The following TAFA1 variants were observed in gnomAD, a reference collection of about 807,000 sequenced individuals.
TAFA1 encodes TAFA chemokine like family member 1.
In TAFA1, 4 loss-of-function variants were observed where a neutral mutation model predicts 18.5. The ratio of observed to expected loss-of-function variants is 0.22; its 90% CI spans 0.11 to 0.49. The LOEUF (loss-of-function observed/expected upper bound fraction) is 0.49, where lower values mean the gene tolerates loss of function less well. TAFA1 is among the 20% of genes least tolerant of loss of function. The probability of loss-of-function intolerance (pLI) is 0.98; values close to 1 mark genes in which losing one functional copy is unlikely to be tolerated. For missense variants in TAFA1, 147 were observed against 169.0 expected, an observed-to-expected ratio of 0.87 and a Z score of 0.72; for synonymous variants, 56 against 55.2, an observed-to-expected ratio of 1.01 and a Z score of -0.06.
chr3:68,303,769 T>A (rs1350735368), intron 2 of TAFA1, among the ~76,000 whole-genome samples: 1 of 152,090 alleles, frequency 6.6e-6, no homozygotes, highest in African/African-American at 2.4e-5. Flanking sequence ...TTAGAAGGAT[T>A]AAAAATATGT....
At chr3:68,096,371 T>C (rs2065086786) in intron 2 of TAFA1, among the ~76,000 whole-genome samples, 1 of 152,126 alleles carries the variant, frequency 6.6e-6, no homozygotes, top group African/African-American at 2.4e-5. Context: ...GCCATCCACA[T>C]ATTAATTAAT....
At chr3:68,184,177 C>T (rs914330052) in intron 2 of TAFA1, among the ~76,000 whole-genome samples, 5 of 151,978 alleles carry the variant, frequency 3.3e-5, no homozygotes, top group African/African-American at 4.8e-5. Flanking sequence ...AAATTTTCTG[C>T]GAATTTCCGT....
chr3:68,475,557 C>T (rs1016083118), intron 3 of TAFA1, among the ~76,000 whole-genome samples: 2 of 152,146 alleles, frequency 1.3e-5, no homozygotes, highest in African/African-American at 4.8e-5. Context: ...TCCAGTCTAT[C>T]ATTGTTGGAC....
intron 2 of TAFA1, among the ~76,000 whole-genome samples, chr3:68,261,394 A>G (rs896985862): frequency 2.0e-5 from 3 of 152,178 alleles, no homozygotes; most frequent in Non-Finnish European, 4.4e-5. Flanking sequence ...ATACCATTTG[A>G]CCCAGCCATC....
chr3:68,340,468 TC>T (rs1187173466), intron 2 of TAFA1, among the ~76,000 whole-genome samples: 6 of 152,236 alleles, frequency 3.9e-5, no homozygotes, highest in Non-Finnish European at 7.3e-5. Flanking sequence ...AAATAGTCTC[TC>T]CTTTGCGAAG....
At chr3:68,497,704 A>G (rs1350450079) in intron 3 of TAFA1, among the ~76,000 whole-genome samples, 1 of 152,210 alleles carries the variant, frequency 6.6e-6, no homozygotes, top group Non-Finnish European at 1.5e-5. Flanking sequence ...TTCCACAATC[A>G]GAGGAGGATC....
At chr3:68,439,451 A>G (rs907013346) in intron 3 of TAFA1, among the ~76,000 whole-genome samples, 4 of 139,726 alleles carry the variant, frequency 2.9e-5, no homozygotes, top group African/African-American at 1.1e-4. Context: ...ATATGAGTTT[A>G]TCAAGGAGTA....
At chr3:68,241,659 T>C (rs1223970039) in intron 2 of TAFA1, among the ~76,000 whole-genome samples, 2 of 152,160 alleles carry the variant, frequency 1.3e-5, no homozygotes, top group African/African-American at 2.4e-5. Flanking sequence ...GTTTTCCTTA[T>C]GACTTTCTTA....
intron 2 of TAFA1, among the ~76,000 whole-genome samples, chr3:68,378,537 G>T (rs1009761433): frequency 8.5e-5 from 13 of 152,080 alleles, no homozygotes; most frequent in Non-Finnish European, 1.6e-4. Context: ...ATGAGACTTT[G>T]GACTGTGGAT....
chr3:68,180,000 A>G (rs1337170746), intron 2 of TAFA1, among the ~76,000 whole-genome samples: 2 of 130,360 alleles, frequency 1.5e-5, no homozygotes, highest in Non-Finnish European at 3.3e-5. Flanking sequence ...TTTCCTGCCT[A>G]TAACACATAA....
intron 2 of TAFA1, among the ~76,000 whole-genome samples, chr3:68,298,571 C>T (rs1199498473): frequency 6.6e-6 from 1 of 152,180 alleles, no homozygotes; most frequent in African/African-American, 2.4e-5. Context: ...TCCTCACAAT[C>T]CCCATGTGTC....
At chr3:68,254,151 ATCTATCTG>A (rs1159624628) in intron 2 of TAFA1, among the ~76,000 whole-genome samples, 6,206 of 127,614 alleles carry the variant, frequency 0.049, 326 homozygotes, top group Admixed American at 0.19. Context: ...CTATCTATCT[ATCTATCTG>A]TCTATCTATC....
At chr3:68,302,856 A>G (rs977630135) in intron 2 of TAFA1, among the ~76,000 whole-genome samples, 1 of 152,184 alleles carries the variant, frequency 6.6e-6, no homozygotes, top group African/African-American at 2.4e-5. Flanking sequence ...TAATTATAAA[A>G]TAAAGTTCAA....
chr3:68,525,772 A>G (rs2073103622), intron 3 of TAFA1, among the ~76,000 whole-genome samples: 1 of 152,210 alleles, frequency 6.6e-6, no homozygotes, highest in African/African-American at 2.4e-5. Flanking sequence ...AGTTAATTAC[A>G]GCAAACCTGA....
At chr3:68,174,935 C>T (rs2066104997) in intron 2 of TAFA1, among the ~76,000 whole-genome samples, 1 of 152,184 alleles carries the variant, frequency 6.6e-6, no homozygotes, top group Admixed American at 6.5e-5. Flanking sequence ...CCAGGGTTCT[C>T]CATGCTGTGT....
intron 2 of TAFA1, among the ~76,000 whole-genome samples, chr3:68,151,520 A>T (rs773137695): frequency 2.6e-5 from 4 of 152,164 alleles, no homozygotes. Flanking sequence ...GTCCAATATC[A>T]AGGTTCCAGG....
intron 3 of TAFA1, among the ~76,000 whole-genome samples, chr3:68,473,504 C>T (rs1190396337): frequency 6.6e-6 from 1 of 152,046 alleles, no homozygotes; most frequent in African/African-American, 2.4e-5. Flanking sequence ...TCACCAGACA[C>T]CAAAAATCTA....
chr3:68,263,803 CTA>C (rs2067486068), intron 2 of TAFA1, among the ~76,000 whole-genome samples: 4 of 152,026 alleles, frequency 2.6e-5, no homozygotes, highest in Admixed American at 6.6e-5. Flanking sequence ...CACTATAAAC[CTA>C]TGTTTCGTGT....
At position 68,251,465 on chromosome 3, in the gene TAFA1, C is replaced by G. The variant is rs560894891; in HGVS notation, c.119-165815C>G. Among the ~76,000 whole-genome samples the G allele has an allele frequency of 3.9e-5, 6 of 152,256 alleles. No individual in the cohort carries two copies. In the South Asian group the frequency reaches 1.2e-3, roughly 32 times the overall value. On this transcript the variant is annotated intron_variant, in intron 2 of 4. Coordinates refer to ENST00000478136, the MANE Select transcript of TAFA1 (RefSeq NM_213609.4). ...CATTCATTGCATGCCCACTCTAGACCAGGCAACAGCCTAGGTGCTATGGAT... is the reference window on the plus strand; with the variant it reads ...CATTCATTGCATGCCCACTCTAGACGAGGCAACAGCCTAGGTGCTATGGAT...
Sources: gnomAD v4.1 joint callset for allele counts (sites outside exome capture counted in the v4.1 genomes callset) on GRCh38, gnomAD v4.1.1 for gene constraint, MANE v1.5 for transcripts, NCBI Gene and HGNC (gene_info 2026-07-23, HGNC 2026-07-21) for gene names.